CDC37: variants seen among roughly 807,000 people sequenced by gnomAD.
CDC37 encodes the protein hsp90 co-chaperone Cdc37.
CDC37 carries 9 observed loss-of-function variants against 46.9 expected under a neutral mutation model. The observed-to-expected ratio is 0.19, with a 90% CI of 0.12 to 0.33. The LOEUF (loss-of-function observed/expected upper bound fraction) is 0.33, where lower values mean the gene tolerates loss of function less well. Ranked by LOEUF, CDC37 falls within the 10% of genes least tolerant of loss-of-function variation. The probability of loss-of-function intolerance (pLI) is 1.00; values close to 1 mark genes in which losing one functional copy is unlikely to be tolerated. For synonymous variants in CDC37, 193 were observed against 191.0 expected (o/e 1.01, Z -0.09); for missense variants, 388 against 514.6 (o/e 0.75, Z 2.38).
rs1271933412 is a variant in CDC37 at position 10,403,539 on chromosome 19, G to A, written c.-60C>T. The A allele has an allele frequency of 7.7e-7, 1 of 1,295,694 alleles. No homozygotes were observed. The highest frequency in any genetic ancestry group is 1.4e-5 in the African/African-American group (1 of 69,016). The allele number at this position is 1,295,694 out of a possible 1,614,324, so 80.3% of individuals were successfully genotyped here. A position where few individuals can be genotyped will look rare whatever the true frequency, so the allele number is the denominator to read the frequency against. On this transcript the variant is annotated 5_prime_UTR_variant, in exon 1 of 8. Transcript: ENST00000222005. ...TGGCGGCGACGGCGGCAGCAGTGGA[G>A]ACTAGGAGCGCGGAGCCCCGCCCCT...
intron 1 of CDC37, among the ~76,000 whole-genome samples, chr19:10,402,913 T>C (rs2042527475): frequency 6.7e-6 from 1 of 149,484 alleles, no homozygotes; most frequent in African/African-American, 2.5e-5. Flanking sequence ...GGAAAGTAGA[T>C]CCCGGGACAG....
rs28382779 is a variant in CDC37, at chr19:10,398,643, C to T, written c.103-2440G>A. On this transcript the variant is annotated intron_variant, in intron 1 of 7. Transcript: ENST00000222005. This position sits in a 1 kb window ranked among gnomAD's most constrained non-coding sequence, Gnocchi z 4.2. Reference sequence around the variant, plus strand: ...TCCCGAGCCATGTGGGCCCTCAGCACGCACCCTTCCTGTACTGGCCAGGGT... The same window carrying T: ...TCCCGAGCCATGTGGGCCCTCAGCATGCACCCTTCCTGTACTGGCCAGGGT... Among the ~76,000 whole-genome samples the T allele has an allele frequency of 3.3e-5, 5 of 152,232 alleles. No individual in the cohort carries two copies. The highest frequency in any genetic ancestry group is 7.2e-5 in the African/African-American group (3 of 41,472).
At chr19:10,399,599 T>C (rs1232856842) in intron 1 of CDC37, among the ~76,000 whole-genome samples, 1 of 150,978 alleles carries the variant, frequency 6.6e-6, no homozygotes, top group African/African-American at 2.4e-5. Flanking sequence ...CTCAGGAATT[T>C]GAGACCAGCC....
At chr19:10,391,756 C>G in intron 7 of CDC37, 50 bp from the exon 8 acceptor site, 3 of 1,566,076 alleles carry the variant, frequency 1.9e-6, no homozygotes, top group South Asian at 2.2e-5. Context: ...CCGGTGGTCC[C>G]CGTTGTCCCC....
chr19:10,397,415 C>CTTTTTTTTTTTTTTTTTTTTTTTT (rs933052804), intron 1 of CDC37, among the ~76,000 whole-genome samples: 1 of 86,844 alleles, frequency 1.2e-5, no homozygotes, highest in Non-Finnish European at 2.1e-5. Flanking sequence ...CCAAGCCTGG[C>CTTTTTTTTTTTTTTTTTTTTTTTT]TTTTTTTTTT....
Position 10,403,540 on chromosome 19 carries a change from AC to A in CDC37, c.-62del, listed in dbSNP as rs2042532460. ...GGCGGCGACGGCGGCAGCAGTGGAG[AC>A]TAGGAGCGCGGAGCCCCGCCCCTTC... On this transcript the variant is annotated 5_prime_UTR_variant, in exon 1 of 8. Transcript: ENST00000222005. 1 of 1,295,052 alleles carries A rather than the reference AC, an allele frequency of 7.7e-7. No homozygotes were observed. Among genetic ancestry groups the A allele is most frequent in the Non-Finnish European group, 1.1e-6 (1 of 905,080 alleles). 80.2% of individuals were successfully genotyped at this position (1,295,052 alleles called of 1,614,324 possible).
At chr19:10,403,271 G>T (rs2042529844) in intron 1 of CDC37, 107 bp downstream of exon 1, 1 of 794,278 alleles carries the variant, frequency 1.3e-6, no homozygotes, top group Non-Finnish European at 2.1e-6. Flanking sequence ...CAGACTGGGG[G>T]GGTGAGAATC....
rs1211514432 is a variant in CDC37 at position 10,398,518 on chromosome 19, ACCT to A, written c.103-2318_103-2316del. ...GCTGGGTATCCCGGGCCATCCCCTA[ACCT>A]CCTGTAACCTCAGTTTCCTCATCTG... On this transcript the variant is annotated intron_variant, in intron 1 of 7. Coordinates refer to ENST00000222005, the MANE Select transcript of CDC37 (RefSeq NM_007065.4). This position sits in a 1 kb window ranked among gnomAD's most constrained non-coding sequence, Gnocchi z 4.2. Among the ~76,000 whole-genome samples, 1 of 152,154 alleles carries A rather than the reference ACCT, an allele frequency of 6.6e-6. No homozygotes were observed. Among genetic ancestry groups the A allele is most frequent in the East Asian group, 1.9e-4 (1 of 5,196 alleles).
intron 1 of CDC37, among the ~76,000 whole-genome samples, chr19:10,402,157 C>CA (rs753021871): frequency 0.026 from 1,597 of 62,414 alleles, 19 homozygotes; most frequent in Non-Finnish European, 0.036. Context: ...AACTTCGTCT[C>CA]AAAAAAAAAA....
At chr19:10,397,328 G>A (rs572513364) in intron 1 of CDC37, among the ~76,000 whole-genome samples, 10 of 151,282 alleles carry the variant, frequency 6.6e-5, no homozygotes, top group Admixed American at 1.3e-4. Context: ...TGTGATAATG[G>A]CTCACTGCAG....
intron 1 of CDC37, among the ~76,000 whole-genome samples, chr19:10,399,115 C>A (rs1279273651): frequency 6.6e-6 from 1 of 152,110 alleles, no homozygotes; most frequent in Non-Finnish European, 1.5e-5. Context: ...ACTCTAATAC[C>A]CCAGGGGACT....
chr19:10,397,415 CTTT>C (rs933052804), intron 1 of CDC37, among the ~76,000 whole-genome samples: 3 of 86,842 alleles, frequency 3.5e-5, no homozygotes, highest in Admixed American at 1.3e-4. Context: ...CCAAGCCTGG[CTTT>C]TTTTTTTTTT....
rs1259154719 is a variant in CDC37, at chr19:10,396,528, T to C, written c.103-325A>G. 6.6e-6 allele frequency among the ~76,000 whole-genome samples: 1 copy of C among 152,106 alleles called. No individual in the cohort carries two copies. Among genetic ancestry groups the C allele is most frequent in the African/African-American group, 2.4e-5 (1 of 41,422 alleles). ...CTTCCAGCTACACCAGCCCCTCACT[T>C]TTCTCACCTTTTCTTGAGGCCATTT... On this transcript the variant is annotated intron_variant, in intron 1 of 7. Coordinates refer to ENST00000222005, the MANE Select transcript of CDC37 (RefSeq NM_007065.4). The surrounding 1 kb of genome is among the most constrained non-coding windows in gnomAD (Gnocchi z 5.9).
At position 10,395,043 on chromosome 19, in the gene CDC37, C is replaced by G. The variant is rs147241364; in HGVS notation, c.704G>C (p.Arg235Pro). ...SLKVDPRACF[R>P]QFFTKIKTAD... ...TACCTTAATCTTAGTGAAGAACTGCCGGAAGCAGGCCCGGGGGTCCACCTT... is the reference window on the plus strand; with the variant it reads ...TACCTTAATCTTAGTGAAGAACTGCGGGAAGCAGGCCCGGGGGTCCACCTT... The change falls in exon 5 of 8, where the codon CGG becomes CCG. Residue 235 changes from arginine (R) to proline (P), a missense_variant. This residue lies in a region of CDC37 where 374 missense variants were observed against 467.4 expected (regional missense o/e 0.80). Coordinates refer to ENST00000222005, the MANE Select transcript of CDC37 (RefSeq NM_007065.4). 8.1e-4 allele frequency: 1,240 copies of G among 1,529,140 alleles called. 6 individuals carry two copies. The highest frequency in any genetic ancestry group is 6.5e-4 in the Non-Finnish European group (745 of 1,138,260). 94.7% of individuals were successfully genotyped at this position (1,529,140 alleles called of 1,614,324 possible).
At chr19:10,395,650 G>A (rs2042485252) in intron 2 of CDC37, 107 bp from the exon 3 acceptor site, 1 of 964,010 alleles carries the variant, frequency 1.0e-6, no homozygotes, top group African/African-American at 1.6e-5. Context: ...CGGCGGAGGT[G>A]GTGACGAAGC....
rs1568354981 is a variant in CDC37 at position 10,396,167 on chromosome 19, TCTC to T, written c.136_138del (p.Glu46del). 1.2e-6 allele frequency: 2 copies of T among 1,613,844 alleles called. No individual in the cohort carries two copies. The highest frequency in any genetic ancestry group is 2.2e-5 in the East Asian group (1 of 44,850). On this transcript the variant is annotated inframe_deletion, in exon 2 of 8. Coordinates refer to ENST00000222005, the MANE Select transcript of CDC37 (RefSeq NM_007065.4). This position sits in a 1 kb window ranked among gnomAD's most constrained non-coding sequence, Gnocchi z 5.9. ...CGGCAGCCCCTGTCCAGTTCCTCCT[TCTC>T]CTTCTGGAACTGCTCCATGCGTTCC... is the stretch of plus-strand genomic sequence containing the variant.
In CDC37 at chr19:10,391,767, G is replaced by A. The variant is rs573584060; in HGVS notation, c.982-61C>T. On this transcript the variant is annotated intron_variant, in intron 7 of 7. Transcript: ENST00000222005. ...CCAGCCGGTGGTCCCCGTTGTCCCC[G>A]TTGTCCCTTGCACATCCCCAAGCTG... 79 of 1,562,254 alleles carry A rather than the reference G, an allele frequency of 5.1e-5. No individual in the cohort carries two copies. In the South Asian group the frequency reaches 7.0e-4, roughly 14 times the overall value.
chr19:10,391,321 T>C lies in CDC37; in HGVS notation c.*230A>G, dbSNP rs754323776. The C allele has an allele frequency of 1.8e-6, 1 of 560,872 alleles. No individual in the cohort carries two copies. Among genetic ancestry groups the C allele is most frequent in the Non-Finnish European group, 3.2e-6 (1 of 313,462 alleles). 34.7% of individuals were successfully genotyped at this position (560,872 alleles called of 1,614,324 possible). ...CCGGACCCCCGGGCCTTTGGCATAA[T>C]GCTGATGGGGGGCTGCAGGCAGTGA... On this transcript the variant is annotated 3_prime_UTR_variant, in exon 8 of 8. Transcript: ENST00000222005.
Position 10,391,506 on chromosome 19 carries a change from G to A in CDC37, c.*45C>T, listed in dbSNP as rs2145414916. On this transcript the variant is annotated 3_prime_UTR_variant, in exon 8 of 8. Transcript: ENST00000222005. ...GCATCTATCTGTTTTCTGAAAAGGGGCACATAGGGGCCTGGAAGCAGGTGG... is the reference window on the plus strand; with the variant it reads ...GCATCTATCTGTTTTCTGAAAAGGGACACATAGGGGCCTGGAAGCAGGTGG... 2.5e-6 allele frequency: 4 copies of A among 1,607,914 alleles called. No individual in the cohort carries two copies. The highest frequency in any genetic ancestry group is 1.3e-5 in the African/African-American group (1 of 74,950).
Sources: allele counts gnomAD v4.1 joint callset (sites outside exome capture counted in the v4.1 genomes callset), GRCh38; gene constraint gnomAD v4.1.1; regional missense constraint gnomAD v4.1.1; non-coding constraint Gnocchi (gnomAD v3.1); transcripts MANE v1.5; gene names NCBI Gene and HGNC (gene_info 2026-07-23, HGNC 2026-07-21).